Variants in SLC4A4 observed in about 807,000 individuals in gnomAD.
The protein encoded by SLC4A4 is solute carrier family 4 member 4.
Under a neutral mutation model 111.5 loss-of-function variants are expected in SLC4A4, and 27 were observed. That is an observed-to-expected ratio of 0.24 (90% CI 0.18 to 0.33). The LOEUF is 0.33. SLC4A4 is among the 10% of genes least tolerant of loss of function. The probability of loss-of-function intolerance (pLI) is 1.00; values close to 1 mark genes in which losing one functional copy is unlikely to be tolerated. For synonymous variants in SLC4A4, 443 were observed against 463.4 expected (o/e 0.96, Z 0.57); for missense variants, 909 against 1,315.5 (o/e 0.69, Z 4.78).
intron 1 of SLC4A4, among the ~76,000 whole-genome samples, chr4:71,227,274 A>G (rs1025493898): frequency 5.3e-5 from 8 of 152,168 alleles, no homozygotes; most frequent in African/African-American, 1.9e-4. Flanking sequence ...TTCAGGGTGT[A>G]TGGCATGGGG....
At chr4:71,088,081 G>A (rs966450746) in intron 1 of SLC4A4, among the ~76,000 whole-genome samples, 8 of 151,834 alleles carry the variant, frequency 5.3e-5, no homozygotes, top group Non-Finnish European at 1.2e-4. Flanking sequence ...TTATGAATCT[G>A]GGTTCTCCTG....
intron 1 of SLC4A4, among the ~76,000 whole-genome samples, chr4:71,083,054 T>A (rs1742036682): frequency 6.6e-6 from 1 of 152,008 alleles, no homozygotes; most frequent in Non-Finnish European, 1.5e-5. Flanking sequence ...GGCTTCACCA[T>A]GTTGGCCAGG....
chr4:71,388,369 G>C (rs935640855), intron 6 of SLC4A4, among the ~76,000 whole-genome samples: 3 of 152,148 alleles, frequency 2.0e-5, no homozygotes, highest in African/African-American at 7.2e-5. Context: ...CAGGTTCCTT[G>C]AAGTACATTA....
intron 2 of SLC4A4, among the ~76,000 whole-genome samples, chr4:71,176,373 A>T (rs549010131): frequency 1.3e-5 from 2 of 152,302 alleles, no homozygotes; most frequent in South Asian, 4.1e-4. Context: ...AGGTGATCAA[A>T]CTACTCCGAG....
rs758549949 is a variant in SLC4A4 at position 71,451,201 on chromosome 4, T to G, written c.1222T>G (p.Ser408Ala). The G allele has an allele frequency of 6.2e-7, 1 of 1,604,058 alleles. No homozygotes were observed. The highest frequency in any genetic ancestry group is 8.5e-7 in the Non-Finnish European group (1 of 1,170,924). The change falls in exon 11 of 26, where the codon TCA (serine) becomes GCA (alanine). Residue 408 changes from serine (S) to alanine (A), a missense_variant. Ser to Ala is a moderately conservative substitution (Grantham distance 99, BLOSUM62 1). Coordinates refer to ENST00000264485, the MANE Select transcript of SLC4A4 (RefSeq NM_001098484.3). ...PSSDKRKNMY[S>A]GGENVQMNGD... ...TGTCTTGCTTAGAAAGAATATGTAC[T>G]CAGGTGGAGAGAATGTTCAGATGAA...
chr4:71,289,766 A>T (rs577652983), intron 3 of SLC4A4, among the ~76,000 whole-genome samples: 1 of 152,366 alleles, frequency 6.6e-6, no homozygotes, highest in African/African-American at 2.4e-5. Context: ...AGCAAGTCAC[A>T]TTTGACATGT....
intron 3 of SLC4A4, among the ~76,000 whole-genome samples, chr4:71,283,307 T>C (rs951129862): frequency 6.6e-6 from 1 of 152,196 alleles, no homozygotes; most frequent in African/African-American, 2.4e-5. Context: ...GGCAATGTTT[T>C]TAGGAGTAGG....
chr4:71,300,023 G>C (rs375979924), intron 3 of SLC4A4, among the ~76,000 whole-genome samples: 2 of 152,220 alleles, frequency 1.3e-5, no homozygotes, highest in African/African-American at 4.8e-5. Flanking sequence ...CTTGATGAGA[G>C]GGCAGGAGGA....
chr4:71,175,382 T>C (rs1745058061), intron 2 of SLC4A4, among the ~76,000 whole-genome samples: 1 of 152,230 alleles, frequency 6.6e-6, no homozygotes, highest in African/African-American at 2.4e-5. Flanking sequence ...GGGCGAGGCA[T>C]CGCCTCACCC....
intron 7 of SLC4A4, among the ~76,000 whole-genome samples, chr4:71,428,706 A>G (rs755074956): frequency 7.2e-5 from 11 of 152,112 alleles, no homozygotes; most frequent in Non-Finnish European, 1.6e-4. Context: ...GAATGCCAGA[A>G]ATCAGATATT....
At chr4:71,171,111 G>A (rs1744921063) in intron 2 of SLC4A4, among the ~76,000 whole-genome samples, 1 of 151,882 alleles carries the variant, frequency 6.6e-6, no homozygotes, top group Non-Finnish European at 1.5e-5. Flanking sequence ...TCATTCAACA[G>A]TTGATGAAGA....
At chr4:71,210,901 A>T (rs922595833) in intron 1 of SLC4A4, among the ~76,000 whole-genome samples, 5 of 152,236 alleles carry the variant, frequency 3.3e-5, no homozygotes, top group African/African-American at 1.2e-4. Context: ...AACTGGAGGC[A>T]TGCAGCTGCA....
At chr4:71,459,163 T>A (rs1008579272) in intron 12 of SLC4A4, among the ~76,000 whole-genome samples, 1 of 152,036 alleles carries the variant, frequency 6.6e-6, no homozygotes, top group African/African-American at 2.4e-5. Context: ...TGGGTTTTTT[T>A]ATTTGAAAGA....
intron 2 of SLC4A4, among the ~76,000 whole-genome samples, chr4:71,162,778 G>C (rs1251825289): frequency 3.9e-5 from 6 of 152,142 alleles, no homozygotes; most frequent in African/African-American, 1.4e-4. Flanking sequence ...TACCATGTGT[G>C]GTCAAACTTT....
intron 6 of SLC4A4, among the ~76,000 whole-genome samples, chr4:71,372,589 T>C (rs185460870): frequency 6.6e-6 from 1 of 152,360 alleles, no homozygotes; most frequent in East Asian, 1.9e-4. Context: ...TTGCATTTAC[T>C]GGCAGTCGAA....
chr4:71,470,318 A>T (rs1418411388), intron 13 of SLC4A4, among the ~76,000 whole-genome samples: 1 of 152,080 alleles, frequency 6.6e-6, no homozygotes, highest in Non-Finnish European at 1.5e-5. Flanking sequence ...TCTATTGAAG[A>T]TAACTTTACC....
chr4:71,175,067 G>A (rs950191697), intron 2 of SLC4A4, among the ~76,000 whole-genome samples: 1 of 152,198 alleles, frequency 6.6e-6, no homozygotes, highest in Non-Finnish European at 1.5e-5. Context: ...AATCTATCAG[G>A]TAGGCTTCTG....
At chr4:71,171,876 T>G (rs1423660472) in intron 2 of SLC4A4, among the ~76,000 whole-genome samples, 1 of 152,222 alleles carries the variant, frequency 6.6e-6, no homozygotes. Flanking sequence ...AAATAAATAG[T>G]CAATACTTTC....
chr4:71,309,554 C>T (rs1323458344), intron 3 of SLC4A4, among the ~76,000 whole-genome samples: 2 of 152,150 alleles, frequency 1.3e-5, no homozygotes, highest in African/African-American at 4.8e-5. Flanking sequence ...AATGGACCTC[C>T]AGCAAACTCC....
Sources: gnomAD v4.1 joint callset for allele counts (sites outside exome capture counted in the v4.1 genomes callset) on GRCh38, gnomAD v4.1.1 for gene constraint, MANE v1.5 for transcripts, NCBI Gene and HGNC (gene_info 2026-07-23, HGNC 2026-07-21) for gene names.